Variants in MS4A18 observed in about 807,000 individuals in gnomAD.
MS4A18 encodes the protein membrane spanning 4-domains A18.
A neutral mutation model predicts 13.1 loss-of-function variants in MS4A18; 27 were observed. The observed-to-expected ratio is 2.06, with a 90% CI of 1.52 to 2.84. The LOEUF (loss-of-function observed/expected upper bound fraction) is 2.84. MS4A18 is among the 30% of genes most tolerant of loss of function. The pLI is 0.00. For missense variants in MS4A18, 307 were observed against 196.4 expected (o/e 1.56, Z -3.37); for synonymous variants, 126 against 76.5 (o/e 1.65, Z -3.38).
At chr11:60,740,382 A>C (rs1349885450) in intron 4 of MS4A18, among the ~76,000 whole-genome samples, 2 of 152,170 alleles carry the variant, frequency 1.3e-5, no homozygotes, top group Non-Finnish European at 2.9e-5. Flanking sequence ...ATCCTGCCTT[A>C]GTTTCTGTCT....
At chr11:60,731,463 G>A (rs1327490764) in intron 1 of MS4A18, among the ~76,000 whole-genome samples, 4 of 152,140 alleles carry the variant, frequency 2.6e-5, no homozygotes, top group Non-Finnish European at 5.9e-5. Flanking sequence ...CCCTTTTCCC[G>A]ATTGCCCCAA....
chr11:60,739,843 C>T lies in MS4A18; in HGVS notation c.744+846C>T, dbSNP rs567350712. On this transcript the variant is annotated intron_variant, in intron 4 of 5. Coordinates refer to ENST00000529108, the Ensembl canonical transcript of MS4A18. ...CTTGAGGAGGCCTGAAGAACAAGAT[C>T]GAGAGTAGCTAGCTCCACAGTTGGC... Among the ~76,000 whole-genome samples the T allele has an allele frequency of 2.6e-5, 4 of 152,310 alleles. No individual in the cohort carries two copies. The East Asian group carries it at 5.8e-4, about 22-fold the overall frequency.
intron 4 of MS4A18, among the ~76,000 whole-genome samples, chr11:60,740,431 C>T (rs768304031): frequency 1.3e-5 from 2 of 152,142 alleles, no homozygotes; most frequent in Non-Finnish European, 2.9e-5. Flanking sequence ...CCATCCCAAC[C>T]TGTCAAGGGC....
At chr11:60,728,404 A>G (rs1017682503), upstream of MS4A18, among the ~76,000 whole-genome samples, 12 of 144,378 alleles carry the variant, frequency 8.3e-5, no homozygotes, top group South Asian at 4.5e-4. Flanking sequence ...GTGTGTATGT[A>G]TGTGTGTGTG....
At chr11:60,728,038 CA>C (rs1453844871), upstream of MS4A18, among the ~76,000 whole-genome samples, 1 of 152,118 alleles carries the variant, frequency 6.6e-6, no homozygotes, top group African/African-American at 2.4e-5. Context: ...GACCCTGGAC[CA>C]TAATGGTTTA....
upstream of MS4A18, among the ~76,000 whole-genome samples, chr11:60,728,681 GCTCT>G (rs773984142): frequency 1.3e-4 from 20 of 150,276 alleles, no homozygotes; most frequent in African/African-American, 2.5e-4. Context: ...CTTCCCTCTC[GCTCT>G]CTCTTTCTCT....
At chr11:60,744,625 G>A (rs1026878364), downstream of MS4A18, among the ~76,000 whole-genome samples, 13 of 152,104 alleles carry the variant, frequency 8.5e-5, no homozygotes, top group African/African-American at 2.9e-4. Flanking sequence ...ATCTGACAAA[G>A]GACATGTTTC....
chr11:60,731,568 A>G (rs927034933), intron 1 of MS4A18, among the ~76,000 whole-genome samples: 1 of 152,226 alleles, frequency 6.6e-6, no homozygotes, highest in Non-Finnish European at 1.5e-5. Flanking sequence ...TTGCTCTAGC[A>G]TATTGACCTT....
At chr11:60,733,645 T>C (rs1853291236) in exon 2 of MS4A18, 1 of 703,510 alleles carries the variant, frequency 1.4e-6, no homozygotes, top group Non-Finnish European at 2.6e-6. Context: ...GGGAGGATTA[T>C]CCGTGAGTAC....
chr11:60,735,216 C>T (rs940718364), intron 2 of MS4A18, among the ~76,000 whole-genome samples: 22 of 152,196 alleles, frequency 1.4e-4, no homozygotes, highest in Admixed American at 5.2e-4. Flanking sequence ...TGAACACCTA[C>T]GTGTCCACCA....
At chr11:60,733,452 G>T (rs2134676139) in intron 1 of MS4A18, 82 bp from the exon 3 acceptor site, 3 of 697,454 alleles carry the variant, frequency 4.3e-6, no homozygotes, top group East Asian at 2.7e-5. Context: ...TGATTCTGGG[G>T]CACAGCCAGG....
At chr11:60,738,902 G>A (rs748465290) in exon 4 of MS4A18, 6 of 703,120 alleles carry the variant, frequency 8.5e-6, no homozygotes, top group Non-Finnish European at 1.6e-5. Context: ...TCTCCTGCAG[G>A]TGAACAGCAG....
At chr11:60,726,628 T>G (rs1001591089), upstream of MS4A18, among the ~76,000 whole-genome samples, 1 of 152,172 alleles carries the variant, frequency 6.6e-6, no homozygotes, top group African/African-American at 2.4e-5. Flanking sequence ...TGAGATCCTC[T>G]GCTATTAATA....
chr11:60,737,692 C>T (rs1213137510), intron 3 of MS4A18, among the ~76,000 whole-genome samples: 2 of 152,210 alleles, frequency 1.3e-5, no homozygotes, highest in African/African-American at 2.4e-5. Context: ...TAGAGCTCCA[C>T]AATGGCCCTT....
At chr11:60,736,182 C>T (rs1269580637) in intron 2 of MS4A18, among the ~76,000 whole-genome samples, 1 of 152,096 alleles carries the variant, frequency 6.6e-6, no homozygotes, top group African/African-American at 2.4e-5. Flanking sequence ...CTATTCTCCC[C>T]CATCAATAAT....
upstream of MS4A18, among the ~76,000 whole-genome samples, chr11:60,729,102 C>T (rs567923078): frequency 1.2e-4 from 19 of 152,268 alleles, no homozygotes; most frequent in Admixed American, 7.8e-4. Context: ...TAAGTAGCCT[C>T]GGGAAACCCT....
Position 60,739,012 on chromosome 11 carries a change from G to A in MS4A18, c.744+15G>A. ...ACTATGTGACGGTGAGCATCTGACT[G>A]CCAGGGCCCCGTGCTGCCAAAGGAC... is the stretch of plus-strand genomic sequence containing the variant. On this transcript the variant is annotated intron_variant, in intron 4 of 5. Coordinates refer to ENST00000529108, the Ensembl canonical transcript of MS4A18. 3 of 702,798 alleles carry A rather than the reference G, an allele frequency of 4.3e-6. No homozygotes were observed. Among genetic ancestry groups the A allele is most frequent in the Non-Finnish European group, 7.8e-6 (3 of 384,928 alleles). The allele number at this position is 702,798 out of a possible 1,614,324, so 43.5% of individuals were successfully genotyped here. A position where few individuals can be genotyped will look rare whatever the true frequency, so the allele number is the denominator to read the frequency against.
intron 2 of MS4A18, 24 bp from the exon 4 acceptor site, chr11:60,736,954 T>A (rs984042642): frequency 1.7e-5 from 7 of 416,856 alleles, no homozygotes; most frequent in African/African-American, 1.0e-4. Context: ...GGTCATTCTT[T>A]TTTTTTTTTT....
At chr11:60,733,438 G>T in intron 1 of MS4A18, 96 bp from the exon 3 acceptor site, 1 of 692,370 alleles carries the variant, frequency 1.4e-6, no homozygotes, top group Non-Finnish European at 2.6e-6. Flanking sequence ...AATCACCCCT[G>T]GGGTGATTCT....
Sources: gnomAD v4.1 joint callset for allele counts (sites outside exome capture counted in the v4.1 genomes callset) on GRCh38, gnomAD v4.1.1 for gene constraint, MANE v1.5 for transcripts, NCBI Gene and HGNC (gene_info 2026-07-23, HGNC 2026-07-21) for gene names.